The following NTRK3 variants were observed in gnomAD, a reference collection of about 807,000 sequenced individuals.
NTRK3 encodes NT-3 growth factor receptor.
A neutral mutation model predicts 91.7 loss-of-function variants in NTRK3; 24 were observed. That is an observed-to-expected ratio of 0.26 (90% CI 0.19 to 0.37). The LOEUF is 0.37. NTRK3 is among the 10% of genes least tolerant of loss of function. The probability of loss-of-function intolerance (pLI) is 1.00; values close to 1 mark genes in which losing one functional copy is unlikely to be tolerated. For synonymous variants in NTRK3, 483 were observed against 404.0 expected (o/e 1.20, Z -2.34); for missense variants, 880 against 1,068.9 (o/e 0.82, Z 2.46).
chr15:88,217,979 TA>T (rs1199675275), intron 3 of NTRK3, among the ~76,000 whole-genome samples: 1 of 152,106 alleles, frequency 6.6e-6, no homozygotes, highest in African/African-American at 2.4e-5. Context: ...CACAATTTTT[TA>T]AGGCTCTTGT....
At chr15:88,081,564 C>G (rs543662933) in intron 13 of NTRK3, among the ~76,000 whole-genome samples, 1 of 152,356 alleles carries the variant, frequency 6.6e-6, no homozygotes, top group African/African-American at 2.4e-5. Context: ...CGTGGACACT[C>G]CATCCTCTGT....
rs186944568 is a variant in NTRK3 at position 87,932,116 on chromosome 15, G to A, written c.1889+896C>T. Among the ~76,000 whole-genome samples, 53 of 152,300 alleles carry A rather than the reference G, an allele frequency of 3.5e-4. 1 individual carries two copies. The East Asian group carries it at 6.8e-3, about 19-fold the overall frequency. ...TCTGCAATAGATGCTGTCTTCTCTT[G>A]GGAAGGGAAAGCCACCCTTGAAACT... is the stretch of plus-strand genomic sequence containing the variant. On this transcript the variant is annotated intron_variant, in intron 16 of 18. Transcript: ENST00000394480.
intron 5 of NTRK3, among the ~76,000 whole-genome samples, chr15:88,164,167 T>G (rs920942560): frequency 2.6e-5 from 4 of 152,202 alleles, no homozygotes; most frequent in African/African-American, 9.7e-5. Context: ...AAAGGATTAC[T>G]TCTGGCTTAG....
intron 14 of NTRK3, among the ~76,000 whole-genome samples, chr15:87,953,552 A>G (rs554605123): frequency 1.3e-5 from 2 of 152,286 alleles, no homozygotes; most frequent in African/African-American, 4.8e-5. Context: ...GAAGGGAGAA[A>G]TCTTCACTGA....
intron 17 of NTRK3, among the ~76,000 whole-genome samples, chr15:87,911,445 T>C (rs192833395): frequency 1.3e-5 from 2 of 152,228 alleles, no homozygotes; most frequent in Non-Finnish European, 2.9e-5. Flanking sequence ...ATCTGTATAA[T>C]GTGGTTCTAA....
At chr15:88,166,861 A>T (rs2045013419) in intron 5 of NTRK3, among the ~76,000 whole-genome samples, 1 of 152,186 alleles carries the variant, frequency 6.6e-6, no homozygotes, top group Non-Finnish European at 1.5e-5. Flanking sequence ...TTACTGTTGG[A>T]AGAACACCTA....
intron 14 of NTRK3, among the ~76,000 whole-genome samples, chr15:88,006,083 C>A (rs2076464707): frequency 6.6e-6 from 1 of 152,176 alleles, no homozygotes. Flanking sequence ...TTTACAGCAT[C>A]TGTAGCTGTC....
chr15:87,882,331 A>G (rs1047342882), intron 17 of NTRK3, among the ~76,000 whole-genome samples: 1 of 152,238 alleles, frequency 6.6e-6, no homozygotes, highest in Non-Finnish European at 1.5e-5. Context: ...AAAATATAGG[A>G]GCCAAGCTAA....
intron 14 of NTRK3, among the ~76,000 whole-genome samples, chr15:88,005,960 G>A (rs186942950): frequency 3.7e-4 from 57 of 152,272 alleles, no homozygotes; most frequent in African/African-American, 6.0e-4. Context: ...CTCAAATGCC[G>A]ATGTGCACTG....
intron 14 of NTRK3, among the ~76,000 whole-genome samples, chr15:88,021,055 G>A (rs2077556362): frequency 6.6e-6 from 1 of 152,182 alleles, no homozygotes; most frequent in Non-Finnish European, 1.5e-5. Flanking sequence ...ATTTGGCCAT[G>A]ACCAGCATCT....
intron 14 of NTRK3, among the ~76,000 whole-genome samples, chr15:88,023,188 G>GT (rs1407125635): frequency 6.6e-6 from 1 of 152,160 alleles, no homozygotes; most frequent in Non-Finnish European, 1.5e-5. Context: ...GGACAAGCTT[G>GT]TATGTATACT....
At chr15:88,106,880 C>G (rs569951516) in intron 13 of NTRK3, among the ~76,000 whole-genome samples, 1 of 151,514 alleles carries the variant, frequency 6.6e-6, no homozygotes, top group East Asian at 1.9e-4. Flanking sequence ...TTGCAGTGAG[C>G]TGAGATCGCA....
intron 13 of NTRK3, among the ~76,000 whole-genome samples, chr15:88,116,586 G>C (rs2052104756): frequency 6.6e-6 from 1 of 152,172 alleles, no homozygotes; most frequent in Non-Finnish European, 1.5e-5. Flanking sequence ...TCGCAGGCCT[G>C]AAGTATTTAC....
intron 3 of NTRK3, chr15:88,253,075 G>A (rs551660964): frequency 2.6e-5 from 4 of 152,372 alleles, no homozygotes; most frequent in East Asian, 1.9e-4. Context: ...ATTACAGCCC[G>A]AAGAACAAGA....
At chr15:87,910,391 G>C (rs1285286814) in intron 17 of NTRK3, among the ~76,000 whole-genome samples, 5 of 152,164 alleles carry the variant, frequency 3.3e-5, no homozygotes, top group Non-Finnish European at 2.9e-5. Flanking sequence ...TTCAGAAATG[G>C]CTCCCCTTTG....
At chr15:88,039,315 GGA>G (rs1205936669) in intron 13 of NTRK3, among the ~76,000 whole-genome samples, 2 of 152,144 alleles carry the variant, frequency 1.3e-5, no homozygotes, top group Non-Finnish European at 2.9e-5. Context: ...TGCAAGCTTT[GGA>G]GAGAGACCCT....
intron 14 of NTRK3, among the ~76,000 whole-genome samples, chr15:88,011,023 A>T (rs1213803611): frequency 6.6e-6 from 1 of 152,176 alleles, no homozygotes; most frequent in African/African-American, 2.4e-5. Flanking sequence ...ATCCTTTTGG[A>T]CATGTTTTTC....
chr15:87,970,621 G>C (rs11630902), intron 14 of NTRK3, among the ~76,000 whole-genome samples: 1 of 152,018 alleles, frequency 6.6e-6, no homozygotes, highest in Non-Finnish European at 1.5e-5. Flanking sequence ...GTTTACAGCA[G>C]GACTTCTTGG....
At chr15:88,027,556 G>A (rs1324791899) in intron 14 of NTRK3, among the ~76,000 whole-genome samples, 1 of 152,074 alleles carries the variant, frequency 6.6e-6, no homozygotes, top group Non-Finnish European at 1.5e-5. Flanking sequence ...CTAATTTTTT[G>A]TATTTTTAGT....
Sources: allele counts gnomAD v4.1 joint callset (sites outside exome capture counted in the v4.1 genomes callset), GRCh38; gene constraint gnomAD v4.1.1; transcripts MANE v1.5; gene names NCBI Gene and HGNC (gene_info 2026-07-23, HGNC 2026-07-21).